The following POF1B variants were observed in gnomAD, a reference collection of about 807,000 sequenced individuals.
POF1B encodes POF1B actin binding protein, also known as protein POF1B.
A neutral mutation model predicts 55.3 loss-of-function variants in POF1B; 53 were observed. That is an observed-to-expected ratio of 0.96 (90% CI 0.77 to 1.20). POF1B has a LOEUF of 1.20. POF1B is among the 50% of genes most tolerant of loss of function. POF1B has a pLI of 0.00. For missense variants in POF1B, 478 were observed against 420.5 expected (o/e 1.14, Z -1.20); for synonymous variants, 188 against 148.3 (o/e 1.27, Z -1.95).
intron 6 of POF1B, 90 bp downstream of exon 6, chrX:85,345,770 G>A (rs901549674): frequency 1.2e-6 from 1 of 867,340 alleles, no homozygotes; most frequent in African/African-American, 2.1e-5. Flanking sequence ...GTATTTTGAT[G>A]AAAATTTAAT....
intron 15 of POF1B, among the ~76,000 whole-genome samples, chrX:85,299,178 A>T (rs776287761): frequency 8.6e-5 from 9 of 104,083 alleles, no homozygotes; most frequent in Admixed American, 4.1e-4. Flanking sequence ...ATTTTAAAAC[A>T]ATCTTTTTTT....
At chrX:85,313,820 C>CT (rs905881943) in intron 9 of POF1B, among the ~76,000 whole-genome samples, 2 of 109,748 alleles carry the variant, frequency 1.8e-5, no homozygotes, top group South Asian at 3.8e-4. Flanking sequence ...TTTTTCTTTT[C>CT]TTTTTTCTTT....
At chrX:85,322,988 CT>C (rs1455706571) in intron 7 of POF1B, among the ~76,000 whole-genome samples, 1 of 110,043 alleles carries the variant, frequency 9.1e-6, no homozygotes, top group Non-Finnish European at 1.9e-5. Context: ...CACTTTTACA[CT>C]GTTGGTGGGA....
At chrX:85,331,173 A>G (rs1451018116) in intron 6 of POF1B, 94 bp from the exon 7 acceptor site, 10 of 890,951 alleles carry the variant, frequency 1.1e-5, no homozygotes, top group Non-Finnish European at 1.5e-5. Flanking sequence ...TAACCTACTA[A>G]AGTCATCACA....
At chrX:85,376,779 G>A (rs182388608) in intron 2 of POF1B, among the ~76,000 whole-genome samples, 1,661 of 110,964 alleles carry the variant, frequency 0.015, 35 homozygotes, top group African/African-American at 0.052. Flanking sequence ...TGATTAAATC[G>A]AAAATGCCTA....
chrX:85,318,230 T>A (rs773679641), intron 7 of POF1B, among the ~76,000 whole-genome samples: 40 of 111,962 alleles, frequency 3.6e-4, no homozygotes, highest in African/African-American at 1.3e-3. Flanking sequence ...AAAAAAATGT[T>A]TAAATTCCTT....
At chrX:85,362,500 T>C (rs965710268) in intron 3 of POF1B, among the ~76,000 whole-genome samples, 2 of 112,076 alleles carry the variant, frequency 1.8e-5, no homozygotes, top group African/African-American at 6.5e-5. Context: ...ATTGAGATAA[T>C]CATGTGGTTT....
At chrX:85,293,600 T>A (rs1932241402) in intron 15 of POF1B, among the ~76,000 whole-genome samples, 1 of 111,884 alleles carries the variant, frequency 8.9e-6, no homozygotes, top group South Asian at 3.7e-4. Context: ...CAAAATAATC[T>A]GTACAACAAA....
At chrX:85,359,011 GATTTATATCTCAGTAAAAAAATGTA>G (rs1244863884) in intron 4 of POF1B, among the ~76,000 whole-genome samples, 2 of 110,936 alleles carry the variant, frequency 1.8e-5, no homozygotes, top group Admixed American at 9.7e-5. Context: ...GAAATGTAAG[GATTTATATCTCAGTAAAAAAATGTA>G]ATTTTCTAAA....
rs1435472024 is a variant in POF1B, at chrX:85,321,965, C to T, written c.855-6231G>A. 6.3e-5 allele frequency among the ~76,000 whole-genome samples: 7 copies of T among 110,674 alleles called. No individual in the cohort carries two copies. The East Asian group carries it at 1.7e-3, about 27-fold the overall frequency. ...AAGAGGATACAAACAAATGGAAGAA[C>T]ATTCCATGTTCATGGGTAGGAAGAA... On this transcript the variant is annotated intron_variant, in intron 7 of 16. Coordinates refer to ENST00000262753, the MANE Select transcript of POF1B (RefSeq NM_024921.4).
intron 15 of POF1B, among the ~76,000 whole-genome samples, chrX:85,292,218 GT>G (rs1932205732): frequency 8.9e-6 from 1 of 111,879 alleles, no homozygotes; most frequent in African/African-American, 3.3e-5. Context: ...CTTTAGCTGT[GT>G]TTATGTGATA....
At chrX:85,368,128 C>G (rs1328630425) in intron 2 of POF1B, among the ~76,000 whole-genome samples, 9 of 111,781 alleles carry the variant, frequency 8.1e-5, no homozygotes, top group Non-Finnish European at 1.5e-4. Context: ...AGTATTTGTT[C>G]TATTTCTTTT....
intron 5 of POF1B, among the ~76,000 whole-genome samples, chrX:85,349,372 A>G (rs1933334165): frequency 9.0e-6 from 1 of 111,311 alleles, no homozygotes; most frequent in East Asian, 2.9e-4. Flanking sequence ...TGATTTTGTC[A>G]TCGCAACTGA....
chrX:85,373,436 G>A (rs1933868776), intron 2 of POF1B, among the ~76,000 whole-genome samples: 1 of 111,292 alleles, frequency 9.0e-6, no homozygotes, highest in African/African-American at 3.3e-5. Flanking sequence ...TAATTGTTGA[G>A]GTTCTATCAA....
intron 6 of POF1B, among the ~76,000 whole-genome samples, chrX:85,345,062 TG>T (rs1175533700): frequency 2.7e-5 from 3 of 111,821 alleles, no homozygotes; most frequent in Non-Finnish European, 5.7e-5. Flanking sequence ...AATTCTTATG[TG>T]GGCTGGCTCC....
Position 85,308,118 on chromosome X carries a change from T to C in POF1B, c.1050+6A>G. 1.0e-5 allele frequency: 12 copies of C among 1,149,272 alleles called. No individual in the cohort carries two copies. Among genetic ancestry groups the C allele is most frequent in the Non-Finnish European group, 1.3e-5 (11 of 846,208 alleles). 94.7% of individuals were successfully genotyped at this position (1,149,272 alleles called of 1,213,427 possible). On this transcript the variant is annotated splice_donor_region_variant and intron_variant, in intron 10 of 16. Coordinates refer to ENST00000262753, the MANE Select transcript of POF1B (RefSeq NM_024921.4). ...AGGCTTTGGAAAAAATCAAAATAAATCTTACTGTCATATCATTTTGAAGAT... is the reference window on the plus strand; with the variant it reads ...AGGCTTTGGAAAAAATCAAAATAAACCTTACTGTCATATCATTTTGAAGAT...
At chrX:85,375,023 C>A (rs773315046) in intron 2 of POF1B, among the ~76,000 whole-genome samples, 197 of 111,598 alleles carry the variant, frequency 1.8e-3, no homozygotes, top group African/African-American at 6.1e-3. Context: ...CTCTCCAACC[C>A]AAATCCCTCA....
intron 11 of POF1B, 82 bp downstream of exon 11, chrX:85,307,081 A>G (rs1932589882): frequency 4.0e-6 from 3 of 751,458 alleles, no homozygotes; most frequent in Non-Finnish European, 3.9e-6. Context: ...TCTTGATTAT[A>G]TCTCATAACT....
intron 15 of POF1B, 53 bp downstream of exon 15, chrX:85,303,353 T>G: frequency 1.2e-6 from 1 of 855,077 alleles, no homozygotes; most frequent in East Asian, 3.5e-5. Flanking sequence ...TGAAATAACT[T>G]GGATTATATG....
Sources: gnomAD v4.1 joint callset for allele counts (sites outside exome capture counted in the v4.1 genomes callset) on GRCh38, gnomAD v4.1.1 for gene constraint, MANE v1.5 for transcripts, NCBI Gene and HGNC (gene_info 2026-07-23, HGNC 2026-07-21) for gene names.